HR: variants seen among roughly 807,000 people sequenced by gnomAD.
HR encodes the protein lysine-specific demethylase hairless.
A neutral mutation model predicts 128.6 loss-of-function variants in HR; 83 were observed. That is an observed-to-expected ratio of 0.65 (90% confidence interval 0.54 to 0.77). HR has a LOEUF of 0.77. Ranked by LOEUF, HR falls within the 30% of genes least tolerant of loss-of-function variation. The pLI, the probability that HR is intolerant of heterozygous loss-of-function variation, is 0.00. For missense variants in HR, 1,490 were observed against 1,574.6 expected (o/e 0.95, Z 0.91); for synonymous variants, 681 against 658.2 (o/e 1.03, Z -0.53).
chr8:22,120,565 A>T, intron 11 of HR, 58 bp from the exon 12 acceptor site: 1 of 1,606,932 alleles, frequency 6.2e-7, no homozygotes. Context: ...CGCCATGGCC[A>T]GGCAAGGGCG....
chr8:22,128,762 C>G lies in HR; in HGVS notation c.409G>C (p.Ala137Pro), dbSNP rs759052430. 15 of 1,606,396 alleles carry G rather than the reference C, an allele frequency of 9.3e-6. No individual in the cohort carries two copies. The African/African-American group carries it at 2.0e-4, about 21-fold the overall frequency. The change falls in exon 2 of 19, where the codon GCC becomes CCC. Residue 137 changes from alanine (A) to proline (P), a missense_variant. Ala to Pro is a conservative substitution (Grantham distance 27, BLOSUM62 -1). Coordinates refer to ENST00000381418, the MANE Select transcript of HR (RefSeq NM_005144.5). ...SGGHLKSDPVAFRPWHCPFLL... is the reference protein window; with the variant it reads ...SGGHLKSDPVPFRPWHCPFLL... Reference sequence around the variant, plus strand: ...AAAGGGCAGTGCCAGGGCCGGAAGGCCACAGGGTCACTCTTGAGATGGCCA... The same window carrying G: ...AAAGGGCAGTGCCAGGGCCGGAAGGGCACAGGGTCACTCTTGAGATGGCCA...
intron 3 of HR, 97 bp downstream of exon 3, chr8:22,126,940 G>A (rs1451886964): frequency 2.4e-6 from 3 of 1,239,924 alleles, no homozygotes; most frequent in Non-Finnish European, 3.4e-6. Context: ...ACTGGTTGTG[G>A]TCCACTCATA....
At chr8:22,123,858 G>A in intron 5 of HR, 45 bp from the exon 6 acceptor site, 1 of 1,565,358 alleles carries the variant, frequency 6.4e-7, no homozygotes, top group Non-Finnish European at 8.6e-7. Context: ...AAGGCAACAG[G>A]CCCCAATGGA....
Position 22,121,136 on chromosome 8 carries a change from C to A in HR, c.2296G>T (p.Ala766Ser). 1 of 1,613,892 alleles carries A rather than the reference C, an allele frequency of 6.2e-7. No homozygotes were observed. The highest frequency in any genetic ancestry group is 8.5e-7 in the Non-Finnish European group (1 of 1,180,030). The stretch of plus-strand genomic sequence containing the variant: ...TCATGGCCCAAGCAGAGTTTGACCG[C>A]GGTAGAAGCCAGCAGTTCGCAGAGA... ...PSLCELLAST[A>S]VKLCLGHERI... Residue 766 changes from alanine (A) to serine (S), a missense_variant, in exon 10 of 19, where the codon GCG becomes TCG. By Grantham distance (99) the Ala-to-Ser change is moderately conservative. This residue lies in a region of HR where 1,060 missense variants were observed against 1,060.9 expected (regional missense o/e 1.00). Transcript: ENST00000381418.
rs1826782266 is a variant in HR, at chr8:22,122,583, C to T, written c.2031G>A (p.Met677Ile). The T allele has an allele frequency of 1.9e-6, 3 of 1,605,114 alleles. No homozygotes were observed. Among genetic ancestry groups the T allele is most frequent in the Non-Finnish European group, 1.7e-6 (2 of 1,173,312 alleles). The stretch of plus-strand genomic sequence containing the variant: ...TATCAAACTTGACCCAGACCTGGTG[C>T]ATTGCAGTGCTCAGCTCTGCCAAAG... The part of the protein sequence containing the change: ...SQALAELSTA[M>I]HQVWVKFDIR... Residue 677 changes from methionine to isoleucine, a missense_variant, in exon 8 of 19, where the codon ATG (methionine) becomes ATA (isoleucine). This residue lies in a region of HR where 1,060 missense variants were observed against 1,060.9 expected (regional missense o/e 1.00). Coordinates refer to ENST00000381418, the MANE Select transcript of HR (RefSeq NM_005144.5).
In HR at chr8:22,126,523, C is replaced by A. The variant is rs1746471618; in HGVS notation, c.1405+514G>T. Among the ~76,000 whole-genome samples, 3 of 152,240 alleles carry A rather than the reference C, an allele frequency of 2.0e-5. No individual in the cohort carries two copies. In the South Asian group the frequency reaches 6.2e-4, roughly 32 times the overall value. ...CAAGGGATCCTTCAGGACAAGCAAT[C>A]CCCAAACAGGGATTTGTGGCACACG... On this transcript the variant is annotated intron_variant, in intron 3 of 18. Coordinates refer to ENST00000381418, the MANE Select transcript of HR (RefSeq NM_005144.5).
rs1441748066 is a variant in HR, at chr8:22,125,357, G to A, written c.1704C>T (p.Arg568=). The A allele has an allele frequency of 6.9e-6, 11 of 1,604,536 alleles. No homozygotes were observed. Among genetic ancestry groups the A allele is most frequent in the Non-Finnish European group, 8.5e-6 (10 of 1,176,556 alleles). ...GGGCCTCCCGCTCCCTCCGCAGCAG[G>A]CGGCACAGTCGGTCCCCCAAACCAC... is the stretch of plus-strand genomic sequence containing the variant. The part of the protein sequence containing the change: ...LLSGLGDRLC[R]LLRREREALA... Residue 568 remains arginine (R), a synonymous_variant, in exon 5 of 19, where the codon CGC becomes CGT. Transcript: ENST00000381418.
At chr8:22,123,617 T>TTGGGGGGGCGCC in intron 6 of HR, 32 bp downstream of exon 6, 1 of 292,092 alleles carries the variant, frequency 3.4e-6, no homozygotes, top group South Asian at 3.0e-5. Context: ...GAGGGCTCCA[T>TTGGGGGGGCGCC]CCCGCCCTCC....
chr8:22,125,803 C>A, intron 3 of HR, 71 bp from the exon 4 acceptor site: 2 of 1,542,272 alleles, frequency 1.3e-6, no homozygotes, highest in Non-Finnish European at 1.8e-6. Context: ...CTCACCTTAG[C>A]GCCCACCCCA....
intron 15 of HR, 40 bp downstream of exon 15, chr8:22,119,124 T>A (rs766243114): frequency 1.2e-6 from 2 of 1,613,654 alleles, no homozygotes; most frequent in South Asian, 2.2e-5. Context: ...CACTCACCTC[T>A]GTAGCTTGTC....
At chr8:22,126,229 G>C (rs1350748412) in intron 3 of HR, among the ~76,000 whole-genome samples, 1 of 151,988 alleles carries the variant, frequency 6.6e-6, no homozygotes, top group Non-Finnish European at 1.5e-5. Context: ...GCAGAGGCCT[G>C]GGCAGAGGGC....
At chr8:22,126,559 G>A (rs993862322) in intron 3 of HR, among the ~76,000 whole-genome samples, 1 of 152,228 alleles carries the variant, frequency 6.6e-6, no homozygotes, top group South Asian at 2.1e-4. Flanking sequence ...CAGTCATCAC[G>A]GTGAACATTT....
In HR at chr8:22,116,826, C is replaced by T. The variant is rs529249148; in HGVS notation, c.3378+49G>A. ...GATGCCTGCGGCCTTGATTGGGTCG[C>T]TTCTGCCATCCTGATCTCCCCGCAG... On this transcript the variant is annotated intron_variant, in intron 17 of 18. Transcript: ENST00000381418. The surrounding 1 kb of genome is among the most constrained non-coding windows in gnomAD (Gnocchi z 4.2). 3.2e-6 allele frequency: 5 copies of T among 1,546,164 alleles called. No homozygotes were observed. In the African/African-American group the frequency reaches 4.1e-5, roughly 13 times the overall value.
rs770348261 is a variant in HR at position 22,128,846 on chromosome 8, C to T, written c.325G>A (p.Ala109Thr). The change falls in exon 2 of 19, where the codon GCA becomes ACA. Residue 109 changes from alanine to threonine, a missense_variant. This residue lies in a region of HR where 1,060 missense variants were observed against 1,060.9 expected (regional missense o/e 1.00). Coordinates refer to ENST00000381418, the MANE Select transcript of HR (RefSeq NM_005144.5). ...WKEAMLTHPL[A>T]FCGPACPPRC... ...GGTGGGCACGCTGGCCCGCAGAATGCCAGCGGATGGGTAAGCATGGCCTCC... is the reference window on the plus strand; with the variant it reads ...GGTGGGCACGCTGGCCCGCAGAATGTCAGCGGATGGGTAAGCATGGCCTCC... The T allele has an allele frequency of 9.3e-6, 15 of 1,613,328 alleles. No individual in the cohort carries two copies.
Position 22,120,179 on chromosome 8 carries a change from G to A in HR, c.2777-6C>T, listed in dbSNP as rs990937128. 1.3e-6 allele frequency: 2 copies of A among 1,593,744 alleles called. No individual in the cohort carries two copies. The highest frequency in any genetic ancestry group is 1.3e-5 in the African/African-American group (1 of 74,804). On this transcript the variant is annotated splice_polypyrimidine_tract_variant and splice_region_variant and intron_variant, in intron 12 of 18. Transcript: ENST00000381418. ...CTCGTCTGACTTTGGGCGAACTACA[G>A]GAGGAGACAGAACGGCCATTGGCCT...
Position 22,127,107 on chromosome 8 carries a change from AC to A in HR, c.1334del (p.Gly445ValfsTer10). ...TCGATGTGTCCCGCACCTCCTGCCA[AC>A]CCCCAGCCCCCTGTTCTGCAGTGCC... Reference protein sequence around the residue: ...FPGTAEQGAGGWQEVRDTSIG... With the variant: ...FPGTAEQGAGXWQEVRDTSIG... On this transcript the variant is annotated frameshift_variant, in exon 3 of 19. Coordinates refer to ENST00000381418, the MANE Select transcript of HR (RefSeq NM_005144.5). LOFTEE classifies it high-confidence loss of function. 1.2e-6 allele frequency: 2 copies of A among 1,610,442 alleles called. No homozygotes were observed. Among genetic ancestry groups the A allele is most frequent in the Non-Finnish European group, 1.7e-6 (2 of 1,178,476 alleles).
chr8:22,128,503 A>G (rs774423684), intron 2 of HR, 56 bp downstream of exon 2: 1 of 1,607,124 alleles, frequency 6.2e-7, no homozygotes, highest in Admixed American at 1.7e-5. Flanking sequence ...CTTGGGGACC[A>G]CCGAGCAACT....
rs1177133194 is a variant in HR, at chr8:22,123,721, G to A, written c.1843C>T (p.Pro615Ser). 1.7e-5 allele frequency: 27 copies of A among 1,584,904 alleles called. No individual in the cohort carries two copies. Among genetic ancestry groups the A allele is most frequent in the Non-Finnish European group, 2.3e-5 (27 of 1,171,086 alleles). ...HGLFNTHWRC[P>S]RCSHRLCVAC... ...ACACACAGCCGGTGGCTGCAGCGGG[G>A]ACATCGCCAGTGGGTGTTGAAGAGT... The change falls in exon 6 of 19, where the codon CCC becomes TCC. Residue 615 changes from proline to serine, a missense_variant. Pro to Ser is a moderately conservative substitution (Grantham distance 74). Around this residue, in one of 3 missense-constraint regions of HR, gnomAD observed 1,060 missense variants for 1,060.9 expected, o/e 1.00. Coordinates refer to ENST00000381418, the MANE Select transcript of HR (RefSeq NM_005144.5).
chr8:22,129,111 C>T lies in HR; in HGVS notation c.60G>A (p.Glu20=). 6.4e-7 allele frequency: 1 copy of T among 1,568,112 alleles called. No individual in the cohort carries two copies. The highest frequency in any genetic ancestry group is 8.6e-7 in the Non-Finnish European group (1 of 1,159,510). The change falls in exon 2 of 19, where the codon GAG becomes GAA. Residue 20 remains glutamate (E), a synonymous_variant. Transcript: ENST00000381418. ...CGGGCTCCTGTCTCACGATGCCGTT[C>T]TCTGGGGCCGTCTTCTCCCAGGTTG... ...GTPTWEKTAP[E]NGIVRQEPGS...
Sources: gnomAD v4.1 joint callset for allele counts (sites outside exome capture counted in the v4.1 genomes callset) on GRCh38, gnomAD v4.1.1 for gene constraint, gnomAD v4.1.1 regional missense constraint, Gnocchi (gnomAD v3.1) non-coding constraint, MANE v1.5 for transcripts, NCBI Gene and HGNC (gene_info 2026-07-23, HGNC 2026-07-21) for gene names.